LAMA5: variants seen among roughly 807,000 people sequenced by gnomAD.
LAMA5 encodes laminin subunit alpha 5, also known as laminin subunit alpha-5.
A neutral mutation model predicts 433.4 loss-of-function variants in LAMA5; 260 were observed. The ratio of observed to expected loss-of-function variants is 0.60; its 90% CI spans 0.54 to 0.66. LAMA5 has a LOEUF of 0.66. LAMA5 is among the 30% of genes least tolerant of loss of function. The probability of loss-of-function intolerance (pLI) is 0.00; values close to 1 mark genes in which losing one functional copy is unlikely to be tolerated. For missense variants in LAMA5, 5,378 were observed against 5,258.5 expected, an observed-to-expected ratio of 1.02 and a Z score of -0.70; for synonymous variants, 2,620 against 2,226.6, an observed-to-expected ratio of 1.18 and a Z score of -4.97.
intron 38 of LAMA5, 63 bp from the exon 39 acceptor site, chr20:62,327,029 G>T: frequency 7.7e-7 from 1 of 1,293,246 alleles, no homozygotes; most frequent in Non-Finnish European, 1.1e-6. Flanking sequence ...GAGCCCGTCA[G>T]CAGTGGTCTG....
Position 62,338,098 on chromosome 20 carries a change from G to A in LAMA5, c.1809C>T (p.Gly603=). 6.2e-7 allele frequency: 1 copy of A among 1,602,134 alleles called. No homozygotes were observed. Residue 603 remains glycine, a synonymous_variant, in exon 14 of 80, where the codon GGC becomes GGT. Transcript: ENST00000252999. ...CAAACTCAGGCTGGCATAGGCAGCG[G>A]CCGGCCTCATCGCAGCCCTCGGGCA... is the stretch of plus-strand genomic sequence containing the variant. ...GTLPEGCDEA[G]RCLCQPEFAG...
intron 6 of LAMA5, among the ~76,000 whole-genome samples, chr20:62,348,105 C>T (rs1164871020): frequency 3.3e-5 from 5 of 152,158 alleles, no homozygotes; most frequent in Non-Finnish European, 5.9e-5. Context: ...AAAGTGGTGC[C>T]GGGCTGGCGA....
At chr20:62,317,047 G>A (rs944330971) in intron 55 of LAMA5, 24 bp from the exon 56 acceptor site, 7 of 1,514,342 alleles carry the variant, frequency 4.6e-6, no homozygotes, top group Non-Finnish European at 6.2e-6. Context: ...GAGGGTCGAA[G>A]GAGTGGGTAA....
At chr20:62,343,236 T>C (rs552220673) in intron 11 of LAMA5, among the ~76,000 whole-genome samples, 1 of 152,266 alleles carries the variant, frequency 6.6e-6, no homozygotes, top group South Asian at 2.1e-4. Context: ...GACAGTTTGT[T>C]GACCCCTGGT....
Position 62,338,621 on chromosome 20 carries a change from G to T in LAMA5, c.1478-13C>A. 1 of 1,603,284 alleles carries T rather than the reference G, an allele frequency of 6.2e-7. No homozygotes were observed. Among genetic ancestry groups the T allele is most frequent in the Non-Finnish European group, 8.5e-7 (1 of 1,177,336 alleles). On this transcript the variant is annotated splice_polypyrimidine_tract_variant and intron_variant, in intron 11 of 79. Transcript: ENST00000252999. ...CTGCAGTCACAATCTGGAGGGTGGG[G>T]ACAGGCAGGGGAGTCTCAGATGCCC...
chr20:62,314,622 T>C lies in LAMA5; in HGVS notation c.8300A>G (p.Gln2767Arg). Residue 2767 changes from glutamine (Q) to arginine (R), a missense_variant, in exon 61 of 80, where the codon CAG becomes CGG. Physicochemically the swap from Gln to Arg is conservative, Grantham distance 43. Transcript: ENST00000252999. ...CTGCCCAGGCTCAGGCTCTGGGCCC[T>C]GCAGGTAGAACTTGAGGGCAGTGTA... ...AAYTALKFYL[Q>R]GPEPEPGQGT... 6.2e-7 allele frequency: 1 copy of C among 1,612,570 alleles called. No homozygotes were observed. The highest frequency in any genetic ancestry group is 2.2e-5 in the East Asian group (1 of 44,882).
Position 62,324,732 on chromosome 20 carries a change from G to A in LAMA5, c.5530-178C>T. The A allele has an allele frequency of 1.7e-6, 1 of 593,966 alleles. No individual in the cohort carries two copies. Among genetic ancestry groups the A allele is most frequent in the East Asian group, 2.8e-5 (1 of 35,434 alleles). The allele number at this position is 593,966 out of a possible 1,614,324, so 36.8% of individuals were successfully genotyped here. A position where few individuals can be genotyped will look rare whatever the true frequency, so the allele number is the denominator to read the frequency against. ...AACTCCTGGCCTCGGCCGGCTGGAG[G>A]TGGGCCAGCACCTGGCTGCTGTTTG... On this transcript the variant is annotated intron_variant, in intron 41 of 79. Transcript: ENST00000252999. The surrounding 1 kb of genome is among the most constrained non-coding windows in gnomAD (Gnocchi z 4.4).
intron 11 of LAMA5, among the ~76,000 whole-genome samples, chr20:62,339,740 A>AACAGACAG (rs10626120): frequency 6.6e-6 from 1 of 151,580 alleles, no homozygotes. Context: ...CAGTAGCAAA[A>AACAGACAG]ACCAAAATCA....
intron 61 of LAMA5, 38 bp downstream of exon 61, chr20:62,314,517 C>T (rs1986716932): frequency 1.7e-5 from 27 of 1,605,904 alleles, no homozygotes; most frequent in Non-Finnish European, 2.3e-5. Context: ...CCAAACAGAG[C>T]CTGAGCTCGG....
At position 62,325,326 on chromosome 20, in the gene LAMA5, T is replaced by A; in HGVS notation, c.5519A>T (p.Asp1840Val). 1 of 1,582,718 alleles carries A rather than the reference T, an allele frequency of 6.3e-7. No homozygotes were observed. Among genetic ancestry groups the A allele is most frequent in the South Asian group, 1.1e-5 (1 of 87,358 alleles). The change falls in exon 41 of 80, where the codon GAC (aspartate) becomes GTC (valine). Residue 1840 changes from aspartate (D) to valine (V), a missense_variant. Transcript: ENST00000252999. ...CTGTCCTAACCTCACCTGGCATGAGTCCCCCCGGTAGCTGGCGGGGCACAG... is the reference window on the plus strand; with the variant it reads ...CTGTCCTAACCTCACCTGGCATGAGACCCCCCGGTAGCTGGCGGGGCACAG... The part of the protein sequence containing the change: ...LCLCPASYRG[D>V]SCQECAPGFY...
In LAMA5 at chr20:62,333,964, C is replaced by T. The variant is rs528063709; in HGVS notation, c.2815G>A (p.Ala939Thr). The change falls in exon 23 of 80, where the codon GCC (alanine) becomes ACC (threonine). Residue 939 changes from alanine to threonine, a missense_variant. By Grantham distance (58) the Ala-to-Thr change is moderately conservative (BLOSUM62 0). Coordinates refer to ENST00000252999, the MANE Select transcript of LAMA5 (RefSeq NM_005560.6). Reference sequence around the variant, plus strand: ...GAGACCCGCCCGCTCACACTCATGGCCCCCCGGTTGACGTATCGGAAGACG... The same window carrying T: ...GAGACCCGCCCGCTCACACTCATGGTCCCCCGGTTGACGTATCGGAAGACG... The part of the protein sequence containing the change: ...WLVFRYVNRG[A>T]MSVSGRVSVR... 1.1e-5 allele frequency: 17 copies of T among 1,612,636 alleles called. No homozygotes were observed. In the South Asian group the frequency reaches 1.5e-4, roughly 15 times the overall value.
At chr20:62,320,505 C>T (rs981992992) in intron 50 of LAMA5, 54 bp downstream of exon 50, 53 of 1,366,522 alleles carry the variant, frequency 3.9e-5, no homozygotes, top group East Asian at 9.8e-5. Context: ...AAGCGAACCG[C>T]GGGGAACACA....
intron 11 of LAMA5, 38 bp from the exon 12 acceptor site, chr20:62,338,646 C>T: frequency 6.3e-7 from 1 of 1,583,336 alleles, no homozygotes; most frequent in African/African-American, 1.3e-5. Flanking sequence ...CTCAGATGCC[C>T]TGCAGACCCC....
At chr20:62,353,284 G>C in intron 2 of LAMA5, 33 bp from the exon 3 acceptor site, 2 of 1,478,584 alleles carry the variant, frequency 1.4e-6, no homozygotes, top group Non-Finnish European at 1.9e-6. Context: ...GGGAGCCAGG[G>C]GCGCCTGGAT....
At position 62,353,252 on chromosome 20, in the gene LAMA5, C is replaced by A; in HGVS notation, c.451-1G>T. The A allele has an allele frequency of 6.3e-7, 1 of 1,591,088 alleles. No homozygotes were observed. Among genetic ancestry groups the A allele is most frequent in the South Asian group, 1.1e-5 (1 of 87,782 alleles). On this transcript the variant is annotated splice_acceptor_variant, in intron 2 of 79. Transcript: ENST00000252999. LOFTEE classifies it high-confidence loss of function. ...TGAGGACGTAGGCCACGTGGAAGACCTGTGGGCCGAGAGGGCGTCAGGGGA... is the reference window on the plus strand; with the variant it reads ...TGAGGACGTAGGCCACGTGGAAGACATGTGGGCCGAGAGGGCGTCAGGGGA...
intron 1 of LAMA5, among the ~76,000 whole-genome samples, chr20:62,363,260 T>C (rs960006306): frequency 5.1e-4 from 78 of 152,168 alleles, no homozygotes; most frequent in Non-Finnish European, 8.5e-4. Flanking sequence ...CAGCGGCAGG[T>C]GGGCCTGGGC....
chr20:62,353,401 G>C, intron 2 of LAMA5, 150 bp from the exon 3 acceptor site: 2 of 584,642 alleles, frequency 3.4e-6, no homozygotes. Flanking sequence ...TTGCCTGTGT[G>C]GGGCAGACGA....
At chr20:62,325,163 T>C in intron 41 of LAMA5, 153 bp downstream of exon 41, 1 of 538,850 alleles carries the variant, frequency 1.9e-6, no homozygotes. Context: ...GGCCCATGAG[T>C]TGGCCAGCAG....
At position 62,318,435 on chromosome 20, in the gene LAMA5, A is replaced by G; in HGVS notation, c.7239+19T>C. ...GGCGGGAAGAGGAGCAGGAGGAAGA[A>G]CAAGTCCGGGGTCCTCACCAGGGCT... On this transcript the variant is annotated intron_variant, in intron 53 of 79. Coordinates refer to ENST00000252999, the MANE Select transcript of LAMA5 (RefSeq NM_005560.6). 6.3e-7 allele frequency: 1 copy of G among 1,588,768 alleles called. No individual in the cohort carries two copies. The highest frequency in any genetic ancestry group is 8.5e-7 in the Non-Finnish European group (1 of 1,170,696).
Sources: gnomAD v4.1 joint callset for allele counts (sites outside exome capture counted in the v4.1 genomes callset) on GRCh38, gnomAD v4.1.1 for gene constraint, Gnocchi (gnomAD v3.1) non-coding constraint, MANE v1.5 for transcripts, NCBI Gene and HGNC (gene_info 2026-07-23, HGNC 2026-07-21) for gene names.